SCARA5: variants seen among roughly 807,000 people sequenced by gnomAD.
SCARA5 encodes the protein scavenger receptor class A, member 5 (putative).
In SCARA5, 45 loss-of-function variants were observed where a neutral mutation model predicts 46.3. The ratio of observed to expected loss-of-function variants is 0.97; its 90% CI spans 0.76 to 1.24. SCARA5 has a LOEUF of 1.24. Among genes scored for constraint, SCARA5 ranks in the 50% most tolerant of loss-of-function variants. The pLI, the probability that SCARA5 is intolerant of heterozygous loss-of-function variation, is 0.00. For missense variants in SCARA5, 680 were observed against 689.0 expected, an observed-to-expected ratio of 0.99 and a Z score of 0.15; for synonymous variants, 333 against 306.5, an observed-to-expected ratio of 1.09 and a Z score of -0.90.
intron 3 of SCARA5, among the ~76,000 whole-genome samples, chr8:27,946,492 G>A (rs539077446): frequency 6.6e-6 from 1 of 152,336 alleles, no homozygotes; most frequent in South Asian, 2.1e-4. Flanking sequence ...GGACTCAAAG[G>A]AAACCAGCCC....
At position 27,922,010 on chromosome 8, in the gene SCARA5, C is replaced by G; in HGVS notation, c.477G>C (p.Gln159His). The change falls in exon 4 of 9, where the codon CAG becomes CAC. Residue 159 changes from glutamine to histidine, a missense_variant. Coordinates refer to ENST00000354914, the MANE Select transcript of SCARA5 (RefSeq NM_173833.6). ...LEGALWGLQA[Q>H]AVQTEQAVAL... ...CCACCGCCTGCTCGGTCTGCACCGC[C>G]TGCGCCTGCAGCCCCCACAGCGCGC... The G allele has an allele frequency of 6.4e-7, 1 of 1,569,296 alleles. No homozygotes were observed. The highest frequency in any genetic ancestry group is 8.6e-7 in the Non-Finnish European group (1 of 1,165,108).
intron 3 of SCARA5, among the ~76,000 whole-genome samples, chr8:27,963,470 C>T (rs184717486): frequency 2.6e-5 from 4 of 152,250 alleles, no homozygotes; most frequent in Admixed American, 6.5e-5. Context: ...AGGCTCTTGC[C>T]GTCTCCTTGG....
At chr8:27,889,164 T>C (rs1456053177) in intron 7 of SCARA5, among the ~76,000 whole-genome samples, 3 of 152,150 alleles carry the variant, frequency 2.0e-5, no homozygotes, top group Non-Finnish European at 4.4e-5. Context: ...AGGGTACAGC[T>C]GAGGCACAGA....
In SCARA5 at chr8:27,897,325, C is replaced by T. The variant is rs958940039; in HGVS notation, c.1153+7453G>A. ...ACAGCTGCATCCACTCCCAGCATAA[C>T]GGGAGCTCGGGGTCACGGAGATTAA... is the stretch of plus-strand genomic sequence containing the variant. On this transcript the variant is annotated intron_variant, in intron 7 of 8. Coordinates refer to ENST00000354914, the MANE Select transcript of SCARA5 (RefSeq NM_173833.6). Among the ~76,000 whole-genome samples the T allele has an allele frequency of 6.6e-5, 10 of 152,320 alleles. 1 individual carries two copies. The highest frequency in any genetic ancestry group is 2.1e-4 in the South Asian group (1 of 4,826).
intron 7 of SCARA5, among the ~76,000 whole-genome samples, chr8:27,889,615 C>T (rs916210062): frequency 1.2e-4 from 18 of 152,202 alleles, no homozygotes; most frequent in African/African-American, 4.1e-4. Flanking sequence ...ATTTGCATCA[C>T]GACTTTGATG....
At position 27,932,617 on chromosome 8, in the gene SCARA5, C is replaced by T. The variant is rs1186736520; in HGVS notation, c.242-10372G>A. Among the ~76,000 whole-genome samples, 4 of 152,112 alleles carry T rather than the reference C, an allele frequency of 2.6e-5. No individual in the cohort carries two copies. The East Asian group carries it at 7.7e-4, about 29-fold the overall frequency. ...CCCATAACCTTTCCTCTTGGTGTCC[C>T]TTCTGATTCTTTCATTTTCTTTTTT... On this transcript the variant is annotated intron_variant, in intron 3 of 8. Coordinates refer to ENST00000354914, the MANE Select transcript of SCARA5 (RefSeq NM_173833.6).
At chr8:27,879,817 G>A (rs1806783574) in intron 7 of SCARA5, 51 bp from the exon 8 acceptor site, 5 of 1,563,662 alleles carry the variant, frequency 3.2e-6, no homozygotes, top group Middle Eastern at 1.7e-4. Flanking sequence ...ACCAGGACCC[G>A]CCCCCAGGGG....
chr8:27,887,060 G>A (rs1364748385), intron 7 of SCARA5, among the ~76,000 whole-genome samples: 1 of 152,162 alleles, frequency 6.6e-6, no homozygotes, highest in African/African-American at 2.4e-5. Flanking sequence ...AGACTCCTAG[G>A]CTCCAAAGCA....
intron 3 of SCARA5, among the ~76,000 whole-genome samples, chr8:27,927,925 T>C (rs555963772): frequency 7.9e-5 from 12 of 152,268 alleles, no homozygotes; most frequent in Non-Finnish European, 1.5e-4. Context: ...TATTTTTATG[T>C]GAGTCTATTT....
chr8:27,983,169 C>T (rs779032325), intron 2 of SCARA5, among the ~76,000 whole-genome samples: 3 of 152,200 alleles, frequency 2.0e-5, no homozygotes, highest in Admixed American at 2.0e-4. Flanking sequence ...CTCAGCACTT[C>T]TGCCTGCAGG....
At chr8:27,977,989 C>T (rs2129966593) in intron 2 of SCARA5, among the ~76,000 whole-genome samples, 1 of 151,306 alleles carries the variant, frequency 6.6e-6, no homozygotes, top group South Asian at 2.1e-4. Flanking sequence ...CACTAAAGTG[C>T]ACTAGTGTAT....
chr8:27,876,671 T>G (rs1020438366), intron 8 of SCARA5, among the ~76,000 whole-genome samples: 2 of 152,020 alleles, frequency 1.3e-5, no homozygotes, highest in African/African-American at 4.8e-5. Context: ...GGTCTGGAGC[T>G]CCACTGAGCA....
Position 27,892,605 on chromosome 8 carries a change from C to CTTTTTTTTT in SCARA5, c.1153+12172_1153+12173insAAAAAAAAA, listed in dbSNP as rs1224026831. On this transcript the variant is annotated intron_variant, in intron 7 of 8. Coordinates refer to ENST00000354914, the MANE Select transcript of SCARA5 (RefSeq NM_173833.6). ...CAGAAGTGACCTCTCCATACCTCAC[C>CTTTTTTTTT]CTTTTTTTTTTTTTTTTTTTTTGAG... 3.3e-5 allele frequency among the ~76,000 whole-genome samples: 4 copies of CTTTTTTTTT among 119,788 alleles called. 1 individual carries two copies. The highest frequency in any genetic ancestry group is 1.8e-5 in the Non-Finnish European group (1 of 54,228). 78.6% of individuals were successfully genotyped at this position (119,788 alleles called of 152,430 possible).
Position 27,893,117 on chromosome 8 carries a change from C to A in SCARA5, c.1153+11661G>T, listed in dbSNP as rs569831796. Among the ~76,000 whole-genome samples the A allele has an allele frequency of 3.3e-5, 5 of 152,266 alleles. No homozygotes were observed. In the South Asian group the frequency reaches 1.0e-3, roughly 32 times the overall value. On this transcript the variant is annotated intron_variant, in intron 7 of 8. Transcript: ENST00000354914. ...CCAAGCAGGGATGTATCCTTGAAAGCCTTTTTGCACTCGTAGGAAGCAGGA... is the reference window on the plus strand; with the variant it reads ...CCAAGCAGGGATGTATCCTTGAAAGACTTTTTGCACTCGTAGGAAGCAGGA...
intron 2 of SCARA5, among the ~76,000 whole-genome samples, chr8:27,971,172 G>A (rs1808441959): frequency 6.6e-6 from 1 of 152,206 alleles, no homozygotes; most frequent in South Asian, 2.1e-4. Flanking sequence ...CCTTGGGAGG[G>A]GAAGACGATG....
chr8:27,981,580 G>A (rs1352772534), intron 2 of SCARA5, among the ~76,000 whole-genome samples: 3 of 152,194 alleles, frequency 2.0e-5, no homozygotes, highest in Non-Finnish European at 4.4e-5. Flanking sequence ...GGGATGGCGG[G>A]ACAAACAGAA....
chr8:27,991,731 T>C (rs183377363), intron 1 of SCARA5, among the ~76,000 whole-genome samples: 3,650 of 152,314 alleles, frequency 0.024, 68 homozygotes, highest in South Asian at 0.077. Flanking sequence ...TTTCCTCCTC[T>C]AACTGTACTT....
At chr8:27,989,650 C>A (rs1180740475) in intron 1 of SCARA5, among the ~76,000 whole-genome samples, 1 of 152,218 alleles carries the variant, frequency 6.6e-6, no homozygotes, top group African/African-American at 2.4e-5. Flanking sequence ...GGCCTCTCCT[C>A]CAGCCTATGG....
Position 27,877,099 on chromosome 8 carries a change from GGCCCAT to G in SCARA5, c.1351+2464_1351+2469del, listed in dbSNP as rs1806737187. On this transcript the variant is annotated intron_variant, in intron 8 of 8. Coordinates refer to ENST00000354914, the MANE Select transcript of SCARA5 (RefSeq NM_173833.6). ...TGCCCCCCAGCCCTGCAGCTAGCCTGGCCCATGCTAGGTGCCTGGAAACTGCTTGTA... is the reference window on the plus strand; with the variant it reads ...TGCCCCCCAGCCCTGCAGCTAGCCTGGCTAGGTGCCTGGAAACTGCTTGTA... Among the ~76,000 whole-genome samples, 6 of 152,302 alleles carry G rather than the reference GGCCCAT, an allele frequency of 3.9e-5. No homozygotes were observed. The South Asian group carries it at 1.2e-3, about 32-fold the overall frequency.
Sources: allele counts gnomAD v4.1 joint callset (sites outside exome capture counted in the v4.1 genomes callset), GRCh38; gene constraint gnomAD v4.1.1; transcripts MANE v1.5; gene names NCBI Gene and HGNC (gene_info 2026-07-23, HGNC 2026-07-21).